The following TSHZ2 variants were observed in gnomAD, a reference collection of about 807,000 sequenced individuals.
TSHZ2 encodes teashirt homolog 2.
A neutral mutation model predicts 74.4 loss-of-function variants in TSHZ2; 21 were observed. That is an observed-to-expected ratio of 0.28 (90% CI 0.20 to 0.41). TSHZ2 has a LOEUF of 0.41. TSHZ2 is among the 10% of genes least tolerant of loss of function. TSHZ2 has a pLI of 1.00. For missense variants in TSHZ2, 1,244 were observed against 1,293.5 expected (o/e 0.96, Z 0.59); for synonymous variants, 540 against 515.3 (o/e 1.05, Z -0.65).
chr20:53,305,176 G>A (rs1978477699), intron 2 of TSHZ2, among the ~76,000 whole-genome samples: 1 of 151,842 alleles, frequency 6.6e-6, no homozygotes, highest in Non-Finnish European at 1.5e-5. Flanking sequence ...CTGACCTCGT[G>A]ATCTGCCTGC....
chr20:53,430,439 GA>G (rs1302058491), intron 2 of TSHZ2, among the ~76,000 whole-genome samples: 1 of 151,894 alleles, frequency 6.6e-6, no homozygotes, highest in Admixed American at 6.6e-5. Context: ...AGAAATTAAA[GA>G]AAAATATTAT....
chr20:53,177,653 T>C (rs558934656), intron 1 of TSHZ2, among the ~76,000 whole-genome samples: 2 of 152,350 alleles, frequency 1.3e-5, no homozygotes, highest in South Asian at 4.1e-4. Flanking sequence ...ATTACATTAG[T>C]ATACAGACAA....
intron 2 of TSHZ2, among the ~76,000 whole-genome samples, chr20:53,281,793 G>A (rs1991066160): frequency 6.6e-6 from 1 of 152,180 alleles, no homozygotes; most frequent in Non-Finnish European, 1.5e-5. Context: ...TGATCCCATG[G>A]GGAGCCTCAG....
intron 1 of TSHZ2, among the ~76,000 whole-genome samples, chr20:52,995,151 C>T (rs533871235): frequency 2.0e-5 from 3 of 152,314 alleles, no homozygotes; most frequent in African/African-American, 7.2e-5. Context: ...CATTTTCCAG[C>T]ATCTCAGTTC....
intron 2 of TSHZ2, among the ~76,000 whole-genome samples, chr20:53,342,076 C>G (rs1980226953): frequency 6.6e-6 from 1 of 152,104 alleles, no homozygotes; most frequent in African/African-American, 2.4e-5. Context: ...TGCCCCACAC[C>G]CAGTTTCCCC....
At chr20:53,446,787 T>A (rs2145771431) in intron 2 of TSHZ2, among the ~76,000 whole-genome samples, 1 of 152,188 alleles carries the variant, frequency 6.6e-6, no homozygotes, top group South Asian at 2.1e-4. Context: ...AGGGACTGAC[T>A]CTCTAGTGGG....
chr20:53,191,788 G>A (rs1344125577), intron 1 of TSHZ2, among the ~76,000 whole-genome samples: 3 of 152,198 alleles, frequency 2.0e-5, no homozygotes, highest in Non-Finnish European at 2.9e-5. Context: ...AGTACTGTAA[G>A]GAAGTCTGAC....
At chr20:53,382,910 A>G (rs1981909675) in intron 2 of TSHZ2, among the ~76,000 whole-genome samples, 1 of 151,890 alleles carries the variant, frequency 6.6e-6, no homozygotes, top group African/African-American at 2.4e-5. Flanking sequence ...GTGTTTCCTT[A>G]TCTGCAAAAT....
At chr20:53,070,164 A>G (rs951484942) in intron 1 of TSHZ2, among the ~76,000 whole-genome samples, 2 of 152,232 alleles carry the variant, frequency 1.3e-5, no homozygotes, top group Admixed American at 1.3e-4. Context: ...AAATGATTAC[A>G]ATCTTTTCCA....
chr20:53,469,116 G>T (rs1351195415), intron 2 of TSHZ2, among the ~76,000 whole-genome samples: 4 of 125,528 alleles, frequency 3.2e-5, no homozygotes, highest in Admixed American at 9.2e-5. Flanking sequence ...TAGAATATTC[G>T]GTTTCACTTA....
At chr20:53,448,608 TTTATC>T (rs561607005) in intron 2 of TSHZ2, among the ~76,000 whole-genome samples, 279 of 152,342 alleles carry the variant, frequency 1.8e-3, no homozygotes, top group African/African-American at 6.2e-3. Context: ...TTGATGTTGA[TTTATC>T]TTATTACTGG....
intron 2 of TSHZ2, among the ~76,000 whole-genome samples, chr20:53,272,394 G>A (rs1344460225): frequency 1.3e-5 from 2 of 152,162 alleles, no homozygotes; most frequent in Admixed American, 6.5e-5. Context: ...GGCAGGGGCT[G>A]CATCTGACTG....
intron 1 of TSHZ2, among the ~76,000 whole-genome samples, chr20:53,190,677 A>T (rs1988716823): frequency 6.6e-6 from 1 of 152,230 alleles, no homozygotes; most frequent in African/African-American, 2.4e-5. Flanking sequence ...TAACTGCAAG[A>T]TTGATAGATG....
intron 1 of TSHZ2, among the ~76,000 whole-genome samples, chr20:53,193,188 GAA>G (rs11476414): frequency 2.8e-5 from 4 of 144,920 alleles, no homozygotes; most frequent in Middle Eastern, 3.5e-3. Context: ...AAAGAAAAAA[GAA>G]AAAAAAAACA....
chr20:53,197,590 C>A (rs969966184), intron 1 of TSHZ2, among the ~76,000 whole-genome samples: 2 of 152,202 alleles, frequency 1.3e-5, no homozygotes, highest in East Asian at 3.8e-4. Flanking sequence ...CAGTTGCCAT[C>A]AAGCATATAA....
chr20:53,172,691 CAGAG>C (rs1988229825), intron 1 of TSHZ2, among the ~76,000 whole-genome samples: 1 of 152,148 alleles, frequency 6.6e-6, no homozygotes, highest in South Asian at 2.1e-4. Flanking sequence ...TTCTGTTTAA[CAGAG>C]AGGAAACTGA....
Position 53,067,759 on chromosome 20 carries a change from C to G in TSHZ2, c.40+94426C>G, listed in dbSNP as rs548904664. Among the ~76,000 whole-genome samples the G allele has an allele frequency of 3.3e-4, 50 of 152,316 alleles. 1 individual carries two copies. The South Asian group carries it at 9.3e-3, about 28-fold the overall frequency. On this transcript the variant is annotated intron_variant, in intron 1 of 2. Transcript: ENST00000371497. Reference sequence around the variant, plus strand: ...AAAACTCCTGCCTTCCCTGGCAGTTCTGCTGTGGTTCTCTGGGTGTGTTAG... The same window carrying G: ...AAAACTCCTGCCTTCCCTGGCAGTTGTGCTGTGGTTCTCTGGGTGTGTTAG...
intron 2 of TSHZ2, among the ~76,000 whole-genome samples, chr20:53,311,587 GC>G (rs2145501843): frequency 6.6e-6 from 1 of 152,324 alleles, no homozygotes; most frequent in African/African-American, 2.4e-5. Context: ...CTGTGAACGT[GC>G]ATCTTGATCA....
chr20:53,204,109 C>G lies in TSHZ2; in HGVS notation c.41-49390C>G, dbSNP rs1269390444. Reference sequence around the variant, plus strand: ...TATCATCATATGATGATATGATATACTATATCATCATATGATGATATGATA... The same window carrying G: ...TATCATCATATGATGATATGATATAGTATATCATCATATGATGATATGATA... On this transcript the variant is annotated intron_variant, in intron 1 of 2. Coordinates refer to ENST00000371497, the MANE Select transcript of TSHZ2 (RefSeq NM_173485.6). Among the ~76,000 whole-genome samples, 7 of 2,054 alleles carry G rather than the reference C, an allele frequency of 3.4e-3. No individual in the cohort carries two copies. In the African/African-American group the frequency reaches 0.045, roughly 13 times the overall value. The allele number at this position is 2,054 out of a possible 152,430, so 1.3% of individuals were successfully genotyped here.
Sources: allele counts gnomAD v4.1 joint callset (sites outside exome capture counted in the v4.1 genomes callset), GRCh38; gene constraint gnomAD v4.1.1; transcripts MANE v1.5; gene names NCBI Gene and HGNC (gene_info 2026-07-23, HGNC 2026-07-21).